Variants in ZFHX3 observed in about 807,000 individuals in gnomAD.
ZFHX3 encodes zinc finger homeobox 3.
ZFHX3 carries 42 observed loss-of-function variants against 279.1 expected under a neutral mutation model. The ratio of observed to expected loss-of-function variants is 0.15; its 90% CI spans 0.12 to 0.19. The LOEUF (loss-of-function observed/expected upper bound fraction) is 0.19, where lower values mean the gene tolerates loss of function less well. Among genes scored for constraint, ZFHX3 ranks in the 10% least tolerant of loss-of-function variants. ZFHX3 has a pLI of 1.00. For synonymous variants in ZFHX3, 2,293 were observed against 1,957.8 expected (o/e 1.17, Z -4.52); for missense variants, 4,981 against 4,754.0 (o/e 1.05, Z -1.40).
intron 2 of ZFHX3, among the ~76,000 whole-genome samples, chr16:73,554,966 A>G (rs1378538741): frequency 6.6e-6 from 1 of 152,018 alleles, no homozygotes; most frequent in Non-Finnish European, 1.5e-5. Context: ...ATCACGGCCA[A>G]CTCCAGAAGG....
intron 3 of ZFHX3, among the ~76,000 whole-genome samples, chr16:73,366,941 A>G (rs865790381): frequency 6.6e-6 from 1 of 152,218 alleles, no homozygotes; most frequent in African/African-American, 2.4e-5. Context: ...AACTCCCAAC[A>G]TTCTGAGGAC....
intron 2 of ZFHX3, among the ~76,000 whole-genome samples, chr16:73,559,448 T>C (rs950146077): frequency 3.3e-5 from 5 of 152,196 alleles, no homozygotes; most frequent in Non-Finnish European, 7.3e-5. Context: ...TGGGCTTTGA[T>C]GAAAGCACCC....
chr16:72,896,860 T>C (rs549586801), intron 3 of ZFHX3, among the ~76,000 whole-genome samples: 1 of 152,350 alleles, frequency 6.6e-6, no homozygotes, highest in East Asian at 1.9e-4. Context: ...ACAAAGTACA[T>C]TCTGACACAC....
intron 1 of ZFHX3, among the ~76,000 whole-genome samples, chr16:73,057,788 G>A (rs1426254686): frequency 6.6e-6 from 1 of 150,966 alleles, no homozygotes; most frequent in Non-Finnish European, 1.5e-5. Flanking sequence ...CCCCCTCCGG[G>A]ACCCCGTGGC....
intron 7 of ZFHX3, chr16:72,807,773 GA>G (rs1227020511): frequency 1.3e-5 from 2 of 152,108 alleles, no homozygotes; most frequent in Non-Finnish European, 2.9e-5. Flanking sequence ...TGTCTGCCAG[GA>G]ATCATCTATT....
At chr16:73,017,845 C>A (rs1964160848) in intron 1 of ZFHX3, among the ~76,000 whole-genome samples, 1 of 152,178 alleles carries the variant, frequency 6.6e-6, no homozygotes, top group Non-Finnish European at 1.5e-5. Context: ...AGAGCCCATG[C>A]CTACTGTCTG....
At chr16:73,712,089 A>T (rs955539331) in intron 1 of ZFHX3, among the ~76,000 whole-genome samples, 14 of 152,102 alleles carry the variant, frequency 9.2e-5, no homozygotes, top group Non-Finnish European at 1.5e-4. Context: ...GAGGATGGAG[A>T]GATGAGGGAG....
intron 3 of ZFHX3, among the ~76,000 whole-genome samples, chr16:73,407,372 C>G (rs2017381808): frequency 6.6e-6 from 1 of 152,212 alleles, no homozygotes; most frequent in Non-Finnish European, 1.5e-5. Context: ...TGGTTTTCCA[C>G]TGAATGGTGG....
intron 5 of ZFHX3, among the ~76,000 whole-genome samples, chr16:73,153,325 C>T (rs899375658): frequency 6.6e-6 from 1 of 152,186 alleles, no homozygotes; most frequent in Non-Finnish European, 1.5e-5. Context: ...CCCTACGTTG[C>T]CTAGGCTGAT....
chr16:73,026,431 G>A (rs1425958312), intron 1 of ZFHX3, among the ~76,000 whole-genome samples: 1 of 151,940 alleles, frequency 6.6e-6, no homozygotes, highest in Non-Finnish European at 1.5e-5. Flanking sequence ...CAACACTTTG[G>A]GAGGCCAAGG....
chr16:73,240,418 C>A (rs181660223), intron 5 of ZFHX3, among the ~76,000 whole-genome samples: 3 of 152,064 alleles, frequency 2.0e-5, no homozygotes, highest in African/African-American at 4.8e-5. Flanking sequence ...AGGGTTTCCC[C>A]ATGTTCGCCA....
At chr16:73,153,455 T>G (rs1469994416) in intron 5 of ZFHX3, among the ~76,000 whole-genome samples, 1 of 151,940 alleles carries the variant, frequency 6.6e-6, no homozygotes, top group Admixed American at 6.5e-5. Context: ...TCCTTGATAT[T>G]TTTCTGCACT....
chr16:73,835,458 CTTTTTTTTTTTT>C (rs34127285), intron 1 of ZFHX3, among the ~76,000 whole-genome samples: 5 of 49,530 alleles, frequency 1.0e-4, no homozygotes, highest in Non-Finnish European at 1.2e-4. Flanking sequence ...CCCTCTTCTG[CTTTTTTTTTTTT>C]TTTTTTTTTT....
At chr16:73,626,025 T>C (rs2052412786) in intron 2 of ZFHX3, among the ~76,000 whole-genome samples, 2 of 152,044 alleles carry the variant, frequency 1.3e-5, no homozygotes, top group South Asian at 4.1e-4. Flanking sequence ...GCCTGGCTAA[T>C]TTTTCTATTT....
In ZFHX3 at chr16:72,787,323, A is replaced by C. The variant is rs1227260941; in HGVS notation, c.10953T>G (p.Val3651=). Residue 3651 remains valine, a synonymous_variant, in exon 10 of 10, where the codon GTT becomes GTG. Transcript: ENST00000268489. ...AGTCGTCTGTTGGCATCGAGGGCTG[A>C]ACCCCTGAGGTGCTGCATGAACTTG... ...VTSSSCSTSG[V]QPSMPTDDYS... The C allele has an allele frequency of 1.9e-6, 3 of 1,613,878 alleles. No homozygotes were observed. Among genetic ancestry groups the C allele is most frequent in the Non-Finnish European group, 2.5e-6 (3 of 1,180,014 alleles).
rs1260723208 is a variant in ZFHX3 at position 73,292,518 on chromosome 16, CAA to C, written c.-1194+25720_-1194+25721del. Among the ~76,000 whole-genome samples, 5 of 152,260 alleles carry C rather than the reference CAA, an allele frequency of 3.3e-5. No homozygotes were observed. The East Asian group carries it at 9.7e-4, about 29-fold the overall frequency. ...CTTCTAGGAGGCTAAAATGAAAACT[CAA>C]AATATGTAAATTCTGGAGGTAACAG... On this transcript the variant is annotated intron_variant, in intron 4 of 17. Coordinates refer to the ZFHX3 transcript ENST00000641206.
intron 5 of ZFHX3, among the ~76,000 whole-genome samples, chr16:72,825,917 A>G (rs1389236328): frequency 6.6e-6 from 1 of 152,244 alleles, no homozygotes; most frequent in Non-Finnish European, 1.5e-5. Flanking sequence ...GAACATTTCT[A>G]TCCATACCAA....
rs577147331 is a variant in ZFHX3, at chr16:73,300,160, TGAGGCTTGAGCCCAG to T, written c.-1194+18065_-1194+18079del. Among the ~76,000 whole-genome samples, 16 of 151,582 alleles carry T rather than the reference TGAGGCTTGAGCCCAG, an allele frequency of 1.1e-4. No individual in the cohort carries two copies. The East Asian group carries it at 2.9e-3, about 28-fold the overall frequency. ...CTGTAGTCTCAGCTACTCAGGAGAC[TGAGGCTTGAGCCCAG>T]ATGGCTTGAGCCCAGGAGTTTAAGG... On this transcript the variant is annotated intron_variant, in intron 4 of 17. Transcript: ENST00000641206.
At chr16:73,134,148 C>T (rs1966745539) in intron 6 of ZFHX3, among the ~76,000 whole-genome samples, 1 of 152,082 alleles carries the variant, frequency 6.6e-6, no homozygotes, top group African/African-American at 2.4e-5. Flanking sequence ...CAAGGTCTCA[C>T]AGATAGTAAA....
Sources: allele counts gnomAD v4.1 joint callset (sites outside exome capture counted in the v4.1 genomes callset), GRCh38; gene constraint gnomAD v4.1.1; transcripts MANE v1.5; gene names NCBI Gene and HGNC (gene_info 2026-07-23, HGNC 2026-07-21).